The following C1QTNF7 variants were observed in gnomAD, a reference collection of about 807,000 sequenced individuals.
C1QTNF7 encodes C1q and TNF related 7.
A neutral mutation model predicts 19.6 loss-of-function variants in C1QTNF7; 15 were observed. That is an observed-to-expected ratio of 0.76 (90% CI 0.51 to 1.18). The LOEUF (loss-of-function observed/expected upper bound fraction) is 1.18. C1QTNF7 is among the 50% of genes most tolerant of loss of function. The pLI is 0.00. For missense variants in C1QTNF7, 324 were observed against 359.7 expected (o/e 0.90, Z 0.80); for synonymous variants, 142 against 137.5 (o/e 1.03, Z -0.23).
intron 1 of C1QTNF7, among the ~76,000 whole-genome samples, chr4:15,432,862 T>C (rs1712376388): frequency 6.6e-6 from 1 of 152,252 alleles, no homozygotes; most frequent in South Asian, 2.1e-4. Flanking sequence ...TCTGTTTACA[T>C]TGTTTTAATT....
At chr4:15,348,180 G>A (rs956880303) in intron 1 of C1QTNF7, among the ~76,000 whole-genome samples, 13 of 152,014 alleles carry the variant, frequency 8.6e-5, no homozygotes, top group African/African-American at 3.1e-4. Flanking sequence ...ATCCAGTGGG[G>A]GATTAAAAAG....
chr4:15,422,002 T>C (rs1198931699), intron 1 of C1QTNF7, among the ~76,000 whole-genome samples: 1 of 152,058 alleles, frequency 6.6e-6, no homozygotes, highest in Non-Finnish European at 1.5e-5. Context: ...GACAGATATA[T>C]GATCAGAGGT....
At chr4:15,401,567 A>G (rs1354369121) in intron 1 of C1QTNF7, among the ~76,000 whole-genome samples, 2 of 152,248 alleles carry the variant, frequency 1.3e-5, no homozygotes, top group African/African-American at 4.8e-5. Flanking sequence ...AGAAAAATCA[A>G]AAACAGAAGG....
chr4:15,445,858 A>G lies in C1QTNF7; in HGVS notation c.*3059A>G, dbSNP rs561915628. The G allele has an allele frequency of 3.2e-4, 49 of 152,324 alleles. 1 individual carries two copies. Among genetic ancestry groups the G allele is most frequent in the African/African-American group, 1.2e-3 (49 of 41,572 alleles). The allele number at this position is 152,324 out of a possible 1,614,324, so 9.4% of individuals were successfully genotyped here. On this transcript the variant is annotated 3_prime_UTR_variant, in exon 3 of 3. Transcript: ENST00000444304. ...CTAGAAGAGTTTAAAGCCACTTAAG[A>G]AGATAAATAAGATATAAAAAGAAAA...
chr4:15,416,512 C>T (rs1719613540), intron 1 of C1QTNF7, among the ~76,000 whole-genome samples: 1 of 152,158 alleles, frequency 6.6e-6, no homozygotes, highest in Non-Finnish European at 1.5e-5. Context: ...GTGCACAGTG[C>T]CTGGACCAGG....
At chr4:15,386,643 G>A (rs1280631339) in intron 1 of C1QTNF7, among the ~76,000 whole-genome samples, 2 of 152,216 alleles carry the variant, frequency 1.3e-5, no homozygotes, top group African/African-American at 4.8e-5. Flanking sequence ...TGAAATTTGA[G>A]TATAAATCTG....
intron 1 of C1QTNF7, among the ~76,000 whole-genome samples, chr4:15,363,317 T>C (rs965256359): frequency 1.3e-5 from 2 of 152,176 alleles, no homozygotes; most frequent in African/African-American, 4.8e-5. Context: ...TGTTTAATTG[T>C]TATTTTTATT....
intron 1 of C1QTNF7, among the ~76,000 whole-genome samples, chr4:15,388,165 C>A (rs1396738445): frequency 1.3e-5 from 2 of 152,048 alleles, no homozygotes; most frequent in Non-Finnish European, 2.9e-5. Context: ...TGAAAGTAAC[C>A]AGGAGAGAAG....
intron 1 of C1QTNF7, among the ~76,000 whole-genome samples, chr4:15,387,764 T>C (rs922499787): frequency 3.9e-5 from 6 of 152,322 alleles, no homozygotes; most frequent in East Asian, 1.9e-4. Flanking sequence ...ATCTATGCTA[T>C]AAACAGTAAT....
At chr4:15,389,256 A>C (rs145482428) in intron 1 of C1QTNF7, among the ~76,000 whole-genome samples, 336 of 152,188 alleles carry the variant, frequency 2.2e-3, no homozygotes, top group African/African-American at 7.8e-3. Context: ...GAAGAGCATG[A>C]ACTGGGGAGA....
At chr4:15,407,272 A>C (rs1719226272) in intron 1 of C1QTNF7, among the ~76,000 whole-genome samples, 1 of 152,148 alleles carries the variant, frequency 6.6e-6, no homozygotes, top group Non-Finnish European at 1.5e-5. Context: ...ACCATACCAA[A>C]AATGCCATTT....
At chr4:15,409,379 T>C (rs1309279770) in intron 1 of C1QTNF7, among the ~76,000 whole-genome samples, 1 of 152,226 alleles carries the variant, frequency 6.6e-6, no homozygotes. Flanking sequence ...TCTAAGTGAT[T>C]GCAGCTTGCG....
intron 1 of C1QTNF7, among the ~76,000 whole-genome samples, chr4:15,379,457 T>C (rs911920841): frequency 3.9e-5 from 6 of 152,236 alleles, no homozygotes; most frequent in Admixed American, 3.9e-4. Context: ...GGGATTATAG[T>C]GTAGCTATTA....
In C1QTNF7 at chr4:15,384,741, CT is replaced by C. The variant is rs1718269127; in HGVS notation, c.13+44536del. On this transcript the variant is annotated intron_variant, in intron 1 of 2. Coordinates refer to the C1QTNF7 transcript ENST00000295297. ...AAACTTTACTGGGCCAGATCAGGCT[CT>C]TATCTCCAAATGTTTCCGATTTTGA... is the stretch of plus-strand genomic sequence containing the variant. Among the ~76,000 whole-genome samples, 3 of 152,216 alleles carry C rather than the reference CT, an allele frequency of 2.0e-5. No homozygotes were observed. The South Asian group carries it at 6.2e-4, about 32-fold the overall frequency.
At chr4:15,359,574 T>C (rs978934670) in intron 1 of C1QTNF7, among the ~76,000 whole-genome samples, 1 of 152,146 alleles carries the variant, frequency 6.6e-6, no homozygotes, top group Non-Finnish European at 1.5e-5. Context: ...CAAGGGATTG[T>C]GATGCCACAT....
At chr4:15,372,422 C>T (rs979535299) in intron 1 of C1QTNF7, among the ~76,000 whole-genome samples, 8 of 152,320 alleles carry the variant, frequency 5.3e-5, no homozygotes, top group East Asian at 3.9e-4. Context: ...AATCCAACCA[C>T]GCTGGCACCC....
intron 1 of C1QTNF7, among the ~76,000 whole-genome samples, chr4:15,430,385 G>A (rs1427956790): frequency 6.6e-6 from 1 of 152,154 alleles, no homozygotes; most frequent in African/African-American, 2.4e-5. Context: ...AGGAGTTCAA[G>A]ACCAACCTGG....
chr4:15,341,787 C>A (rs1716548856), intron 1 of C1QTNF7, among the ~76,000 whole-genome samples: 1 of 152,202 alleles, frequency 6.6e-6, no homozygotes, highest in South Asian at 2.1e-4. Flanking sequence ...CCACCCATGA[C>A]CTCATCGCAG....
At chr4:15,401,114 T>G (rs1718977811) in intron 1 of C1QTNF7, among the ~76,000 whole-genome samples, 1 of 152,136 alleles carries the variant, frequency 6.6e-6, no homozygotes, top group Admixed American at 6.5e-5. Flanking sequence ...GAATAGTTCC[T>G]TTAGAGAGCT....
Sources: allele counts gnomAD v4.1 joint callset (sites outside exome capture counted in the v4.1 genomes callset), GRCh38; gene constraint gnomAD v4.1.1; transcripts MANE v1.5; gene names NCBI Gene and HGNC (gene_info 2026-07-23, HGNC 2026-07-21).